KCNIP3: variants seen among roughly 807,000 people sequenced by gnomAD.
The protein encoded by KCNIP3 is calsenilin.
KCNIP3 carries 28 observed loss-of-function variants against 35.0 expected under a neutral mutation model. That is an observed-to-expected ratio of 0.80 (90% CI 0.59 to 1.10). The LOEUF (loss-of-function observed/expected upper bound fraction) is 1.10. Among genes scored for constraint, KCNIP3 ranks in the 50% least tolerant of loss-of-function variants. KCNIP3 has a pLI of 0.00. For synonymous variants in KCNIP3, 134 were observed against 133.8 expected (o/e 1.00, Z -0.01); for missense variants, 295 against 338.4 (o/e 0.87, Z 1.01).
At chr2:95,319,003 A>T (rs1253928850) in intron 2 of KCNIP3, among the ~76,000 whole-genome samples, 1 of 152,220 alleles carries the variant, frequency 6.6e-6, no homozygotes, top group African/African-American at 2.4e-5. Context: ...CAGCATCTCC[A>T]GGGACCAGGG....
At chr2:95,333,388 G>A (rs558168751) in intron 2 of KCNIP3, among the ~76,000 whole-genome samples, 25 of 152,258 alleles carry the variant, frequency 1.6e-4, no homozygotes, top group African/African-American at 4.3e-4. Flanking sequence ...ACATCCCTCC[G>A]GATTGAGAAA....
chr2:95,366,258 C>G (rs911189228), intron 2 of KCNIP3, among the ~76,000 whole-genome samples: 2 of 152,182 alleles, frequency 1.3e-5, no homozygotes, highest in African/African-American at 4.8e-5. Context: ...ATTTTCTGTC[C>G]TTTTATCTTT....
intron 2 of KCNIP3, among the ~76,000 whole-genome samples, chr2:95,335,790 C>T (rs1679046152): frequency 6.6e-6 from 1 of 152,038 alleles, no homozygotes; most frequent in Admixed American, 6.6e-5. Context: ...TCTCTCTCTC[C>T]TTTTCTTCTG....
intron 5 of KCNIP3, among the ~76,000 whole-genome samples, 195 bp downstream of exon 5, chr2:95,375,403 C>T (rs180773225): frequency 2.6e-5 from 4 of 151,932 alleles, no homozygotes; most frequent in South Asian, 4.2e-4. Context: ...TTTGCTGGGC[C>T]GGCACCACGT....
At chr2:95,331,004 T>A (rs1274300692) in intron 2 of KCNIP3, among the ~76,000 whole-genome samples, 1 of 151,956 alleles carries the variant, frequency 6.6e-6, no homozygotes, top group Non-Finnish European at 1.5e-5. Flanking sequence ...CAAATACAGA[T>A]CCGAGGGGTG....
intron 2 of KCNIP3, among the ~76,000 whole-genome samples, chr2:95,346,179 G>C (rs1347893609): frequency 1.3e-5 from 2 of 152,184 alleles, no homozygotes; most frequent in East Asian, 1.9e-4. Context: ...GCGGAGGACC[G>C]GGGTTGCGGG....
chr2:95,365,292 G>C (rs1397542536), intron 2 of KCNIP3, among the ~76,000 whole-genome samples: 1 of 151,582 alleles, frequency 6.6e-6, no homozygotes, highest in Non-Finnish European at 1.5e-5. Context: ...TTCCCAAGTA[G>C]CTGGGATTAC....
intron 1 of KCNIP3, 54 bp from the exon 2 acceptor site, chr2:95,310,301 G>C (rs1194557231): frequency 6.2e-7 from 1 of 1,608,128 alleles, no homozygotes; most frequent in Non-Finnish European, 8.5e-7. Context: ...GGACCATCCA[G>C]GGGTCCCCCC....
intron 2 of KCNIP3, among the ~76,000 whole-genome samples, chr2:95,342,273 G>C (rs909137009): frequency 9.9e-5 from 15 of 152,176 alleles, no homozygotes; most frequent in African/African-American, 3.4e-4. Context: ...TATCAGCTGT[G>C]TGCCCTTAAG....
chr2:95,343,013 C>T (rs1208559822), intron 2 of KCNIP3, among the ~76,000 whole-genome samples: 1 of 152,070 alleles, frequency 6.6e-6, no homozygotes, highest in African/African-American at 2.4e-5. Flanking sequence ...ATGCTGGTTG[C>T]TGAACCGAGA....
intron 2 of KCNIP3, among the ~76,000 whole-genome samples, chr2:95,349,442 G>A (rs990739259): frequency 6.6e-6 from 1 of 152,232 alleles, no homozygotes; most frequent in Non-Finnish European, 1.5e-5. Context: ...TTCTGGGGAT[G>A]CAGCCTTCTA....
intron 2 of KCNIP3, among the ~76,000 whole-genome samples, chr2:95,370,758 G>T (rs1489852072): frequency 6.6e-6 from 1 of 151,878 alleles, no homozygotes; most frequent in Non-Finnish European, 1.5e-5. Flanking sequence ...ATTTGTCATT[G>T]ATTTTTTTTT....
chr2:95,322,821 A>C (rs1237434396), intron 2 of KCNIP3, among the ~76,000 whole-genome samples: 2 of 152,184 alleles, frequency 1.3e-5, no homozygotes, highest in Non-Finnish European at 2.9e-5. Flanking sequence ...AACACCACCC[A>C]ACCCCAGCCC....
chr2:95,318,527 C>T (rs999110472), intron 2 of KCNIP3, among the ~76,000 whole-genome samples: 6 of 152,172 alleles, frequency 3.9e-5, no homozygotes, highest in African/African-American at 1.2e-4. Context: ...CTCCCTGAGT[C>T]GGTACTTGTG....
intron 2 of KCNIP3, among the ~76,000 whole-genome samples, chr2:95,347,579 C>T (rs1679408991): frequency 6.6e-6 from 1 of 152,202 alleles, no homozygotes; most frequent in Non-Finnish European, 1.5e-5. Context: ...AGTTACCCCT[C>T]CCCAAGCAAG....
At chr2:95,371,243 C>G (rs1490722211) in intron 2 of KCNIP3, among the ~76,000 whole-genome samples, 1 of 152,084 alleles carries the variant, frequency 6.6e-6, no homozygotes, top group Non-Finnish European at 1.5e-5. Context: ...CCCTGTCAGC[C>G]CAGCTTTACC....
At position 95,382,263 on chromosome 2, in the gene KCNIP3, C is replaced by A. The variant is rs554620669; in HGVS notation, c.556-114C>A. On this transcript the variant is annotated intron_variant, in intron 6 of 8. Transcript: ENST00000295225. The surrounding 1 kb of genome is among the most constrained non-coding windows in gnomAD (Gnocchi z 4.5). ...GGCTTCTCTCTCCAGCTCGTCCGGC[C>A]CCTCGCACTCACTGCCTTGGAGGTG... 1.2e-5 allele frequency: 7 copies of A among 573,410 alleles called. 1 individual carries two copies. The South Asian group carries it at 1.9e-4, about 16-fold the overall frequency. 35.5% of individuals were successfully genotyped at this position (573,410 alleles called of 1,614,324 possible).
At chr2:95,330,515 C>T (rs1026497366) in intron 2 of KCNIP3, among the ~76,000 whole-genome samples, 5 of 152,216 alleles carry the variant, frequency 3.3e-5, no homozygotes, top group Non-Finnish European at 5.9e-5. Flanking sequence ...GTCCGGGTCA[C>T]ACATTGGTGC....
At chr2:95,330,835 CA>C (rs556154629) in intron 2 of KCNIP3, among the ~76,000 whole-genome samples, 5 of 152,286 alleles carry the variant, frequency 3.3e-5, no homozygotes, top group Admixed American at 3.3e-4. Context: ...GGGGACACAG[CA>C]GGGAACCAGA....
Sources: allele counts gnomAD v4.1 joint callset (sites outside exome capture counted in the v4.1 genomes callset), GRCh38; gene constraint gnomAD v4.1.1; non-coding constraint Gnocchi (gnomAD v3.1); transcripts MANE v1.5; gene names NCBI Gene and HGNC (gene_info 2026-07-23, HGNC 2026-07-21).